HNRNPA1L2: variants seen among roughly 807,000 people sequenced by gnomAD.
The protein encoded by HNRNPA1L2 is heterogeneous nuclear ribonucleoprotein A1 like 2.
In HNRNPA1L2, 10 loss-of-function variants were observed where a neutral mutation model predicts 18.2. The observed-to-expected ratio is 0.55, with a 90% CI of 0.34 to 0.93. The LOEUF is 0.93. Ranked by LOEUF, HNRNPA1L2 falls within the 40% of genes least tolerant of loss-of-function variation. The probability of loss-of-function intolerance (pLI) is 0.02; values close to 1 mark genes in which losing one functional copy is unlikely to be tolerated. For missense variants in HNRNPA1L2, 308 were observed against 394.4 expected (o/e 0.78, Z 1.85); for synonymous variants, 124 against 138.6 (o/e 0.89, Z 0.74).
the HNRNPA1L2 span, chr13:52,632,512 A>G: frequency 6.5e-6 from 1 of 153,468 alleles, no homozygotes; most frequent in African/African-American, 2.4e-5. Context: ...AAGAATAACT[A>G]TTTCTCAGGT....
chr13:52,623,677 C>T, the HNRNPA1L2 span, among the ~76,000 whole-genome samples: 1 of 152,182 alleles, frequency 6.6e-6, no homozygotes, highest in Non-Finnish European at 1.5e-5. Context: ...ATCTTTGCTT[C>T]ATGAGGCACT....
At chr13:52,638,155 A>G (rs1961522172), upstream of HNRNPA1L2, among the ~76,000 whole-genome samples, 1 of 152,210 alleles carries the variant, frequency 6.6e-6, no homozygotes, top group Admixed American at 6.5e-5. Context: ...TTGTAAATAA[A>G]TCTACTCCTT....
the HNRNPA1L2 span, among the ~76,000 whole-genome samples, chr13:52,636,303 T>C: frequency 2.0e-4 from 30 of 152,340 alleles, no homozygotes; most frequent in African/African-American, 7.2e-4. Flanking sequence ...ATGAAATAGC[T>C]ATGATGAATA....
upstream of HNRNPA1L2, among the ~76,000 whole-genome samples, chr13:52,639,830 CA>C (rs1961589953): frequency 2.0e-5 from 3 of 150,282 alleles, no homozygotes; most frequent in African/African-American, 7.3e-5. Context: ...ATTTCTCCAT[CA>C]AACTGGGTTC....
At chr13:52,642,321 A>G, upstream of HNRNPA1L2, 1 of 832,122 alleles carries the variant, frequency 1.2e-6, no homozygotes, top group South Asian at 1.7e-5. Context: ...CTGTACATAC[A>G]CTAAAAAATG....
the HNRNPA1L2 span, among the ~76,000 whole-genome samples, chr13:52,623,985 A>G: frequency 6.6e-6 from 1 of 152,220 alleles, no homozygotes; most frequent in Non-Finnish European, 1.5e-5. Context: ...CTGAGACCTT[A>G]GCTGAGGGTG....
the HNRNPA1L2 span, chr13:52,617,669 C>T: frequency 2.2e-6 from 1 of 457,850 alleles, no homozygotes; most frequent in East Asian, 3.3e-5. Flanking sequence ...CGCTGCTCGG[C>T]GTGGAACTGT....
upstream of HNRNPA1L2, chr13:52,642,382 A>C: frequency 7.2e-7 from 1 of 1,383,298 alleles, no homozygotes; most frequent in South Asian, 1.4e-5. Flanking sequence ...ATCAGCCAGA[A>C]TCTCATCCAA....
At chr13:52,617,591 C>G in the HNRNPA1L2 span, 25 of 463,900 alleles carry the variant, frequency 5.4e-5, no homozygotes, top group Middle Eastern at 3.3e-4. Context: ...TCTACCTCTT[C>G]GCACCCTTTC....
the HNRNPA1L2 span, among the ~76,000 whole-genome samples, chr13:52,621,684 C>T: frequency 6.6e-6 from 1 of 152,096 alleles, no homozygotes. Flanking sequence ...GTGTCTTAGG[C>T]CTTAATGGGC....
At chr13:52,634,753 CGACAGGCA>C in the HNRNPA1L2 span, among the ~76,000 whole-genome samples, 1 of 152,126 alleles carries the variant, frequency 6.6e-6, no homozygotes, top group African/African-American at 2.4e-5. Context: ...ATCCCAGAGT[CGACAGGCA>C]GTATAGCTCA....
At chr13:52,633,243 T>A in the HNRNPA1L2 span, among the ~76,000 whole-genome samples, 1 of 152,236 alleles carries the variant, frequency 6.6e-6, no homozygotes, top group African/African-American at 2.4e-5. Context: ...AGATAGCATT[T>A]ATAAAATAAC....
upstream of HNRNPA1L2, chr13:52,642,053 A>G (rs564749334): frequency 6.8e-5 from 11 of 162,560 alleles, no homozygotes; most frequent in East Asian, 1.9e-3. Context: ...TCTGTTTATC[A>G]ATAAGGAGAC....
At chr13:52,629,389 G>C in the HNRNPA1L2 span, 6 of 221,268 alleles carry the variant, frequency 2.7e-5, no homozygotes, top group Admixed American at 2.5e-4. Context: ...GCTGGGTTTT[G>C]TTTGTATAGT....
In HNRNPA1L2 at chr13:52,642,905, C is replaced by G. The variant is rs1462807532; in HGVS notation, c.413C>G (p.Thr138Ser). 4 of 1,596,700 alleles carry G rather than the reference C, an allele frequency of 2.5e-6. No homozygotes were observed. In the Admixed American group the frequency reaches 6.7e-5, roughly 27 times the overall value. Residue 138 changes from threonine to serine, a missense_variant, in exon 1 of 1, where the codon ACT becomes AGT. Physicochemically the swap from Thr to Ser is moderately conservative, Grantham distance 58 (BLOSUM62 1). Coordinates refer to ENST00000357495, the MANE Select transcript of HNRNPA1L2 (RefSeq NM_001389320.1). The part of the protein sequence containing the change: ...YGKIEVIEIM[T>S]DRGSGKKRGF... ...AAAATTGAAGTAATTGAAATCATGACTGACCGAGGCAGTGGCAAGAAAAGG... is the reference window on the plus strand; with the variant it reads ...AAAATTGAAGTAATTGAAATCATGAGTGACCGAGGCAGTGGCAAGAAAAGG...
the HNRNPA1L2 span, among the ~76,000 whole-genome samples, chr13:52,626,654 A>G: frequency 1.3e-5 from 2 of 152,102 alleles, no homozygotes; most frequent in African/African-American, 4.8e-5. Flanking sequence ...TATTATATAT[A>G]CCTTCACCCA....
chr13:52,634,511 G>A, the HNRNPA1L2 span, among the ~76,000 whole-genome samples: 58 of 152,240 alleles, frequency 3.8e-4, no homozygotes, highest in Middle Eastern at 6.8e-3. Flanking sequence ...TCTAAAGAAT[G>A]TTTTTTGTTT....
At chr13:52,636,255 G>T in the HNRNPA1L2 span, among the ~76,000 whole-genome samples, 1 of 152,174 alleles carries the variant, frequency 6.6e-6, no homozygotes, top group East Asian at 1.9e-4. Flanking sequence ...ACAAGTCTTT[G>T]TGTGGACATG....
upstream of HNRNPA1L2, among the ~76,000 whole-genome samples, chr13:52,638,401 A>G (rs1324077539): frequency 6.6e-6 from 1 of 152,104 alleles, no homozygotes; most frequent in Non-Finnish European, 1.5e-5. Context: ...TTTTGCAGGT[A>G]GCTTTGAAAG....
Sources: gnomAD v4.1 joint callset for allele counts (sites outside exome capture counted in the v4.1 genomes callset) on GRCh38, gnomAD v4.1.1 for gene constraint, MANE v1.5 for transcripts, NCBI Gene and HGNC (gene_info 2026-07-23, HGNC 2026-07-21) for gene names.